CHSY3: variants seen among roughly 807,000 people sequenced by gnomAD.
CHSY3 encodes the protein N-acetylgalactosaminyl-proteoglycan 3-beta-glucuronosyltransferase 3.
A neutral mutation model predicts 67.2 loss-of-function variants in CHSY3; 35 were observed. The observed-to-expected ratio is 0.52, with a 90% CI of 0.40 to 0.69. CHSY3 has a LOEUF of 0.69. Among genes scored for constraint, CHSY3 ranks in the 30% least tolerant of loss-of-function variants. CHSY3 has a pLI of 0.00. For missense variants in CHSY3, 1,069 were observed against 1,138.5 expected, an observed-to-expected ratio of 0.94 and a Z score of 0.88; for synonymous variants, 474 against 434.7, an observed-to-expected ratio of 1.09 and a Z score of -1.12.
intron 2 of CHSY3, among the ~76,000 whole-genome samples, chr5:130,178,201 T>A (rs6595941): frequency 0.78 from 88,476 of 113,572 alleles, 34,801 homozygotes; most frequent in South Asian, 0.88. Context: ...ATATATATAT[T>A]TATATATATA....
Position 130,184,550 on chromosome 5 carries a change from A to G in CHSY3, c.1408A>G (p.Thr470Ala). The G allele has an allele frequency of 6.2e-7, 1 of 1,611,756 alleles. No homozygotes were observed. Among genetic ancestry groups the G allele is most frequent in the Non-Finnish European group, 8.5e-7 (1 of 1,177,844 alleles). Residue 470 changes from threonine (T) to alanine (A), a missense_variant, in exon 3 of 3, where the codon ACA (threonine) becomes GCA (alanine). By Grantham distance (58) the Thr-to-Ala change is moderately conservative. This residue lies in a region of CHSY3 where 401 missense variants were observed against 395.2 expected (regional missense o/e 1.01). Transcript: ENST00000305031. ...TGAAGTGATAGAATGGGAGTTCCTGACAGGGAAGCTTCTATACTCAGCAGC... is the reference window on the plus strand; with the variant it reads ...TGAAGTGATAGAATGGGAGTTCCTGGCAGGGAAGCTTCTATACTCAGCAGC... ...RNEVIEWEFL[T>A]GKLLYSAAEN...
intron 2 of CHSY3, among the ~76,000 whole-genome samples, chr5:130,051,031 A>G (rs1473186502): frequency 6.6e-6 from 1 of 152,180 alleles, no homozygotes; most frequent in East Asian, 1.9e-4. Context: ...AAAAAAGTTA[A>G]AAGCTATAAA....
chr5:130,125,611 A>T (rs541019908), intron 2 of CHSY3, among the ~76,000 whole-genome samples: 2 of 152,336 alleles, frequency 1.3e-5, no homozygotes, highest in African/African-American at 4.8e-5. Context: ...CCAAGTTAAT[A>T]CCTAATTAAC....
At chr5:130,032,085 C>T (rs1468134292) in intron 2 of CHSY3, among the ~76,000 whole-genome samples, 1 of 152,082 alleles carries the variant, frequency 6.6e-6, no homozygotes, top group East Asian at 1.9e-4. Context: ...CCTCCCTATT[C>T]CTCTATTGCT....
chr5:130,044,176 A>G (rs1313718330), intron 2 of CHSY3, among the ~76,000 whole-genome samples: 1 of 152,148 alleles, frequency 6.6e-6, no homozygotes, highest in Non-Finnish European at 1.5e-5. Flanking sequence ...AAGAATGATT[A>G]TCTAGGAACT....
At chr5:130,061,018 C>T (rs1347577065) in intron 2 of CHSY3, among the ~76,000 whole-genome samples, 2 of 151,922 alleles carry the variant, frequency 1.3e-5, no homozygotes, top group African/African-American at 4.8e-5. Context: ...CAGTGAAATC[C>T]CTCTAAAATT....
At chr5:130,013,606 G>C (rs1764129297) in intron 2 of CHSY3, among the ~76,000 whole-genome samples, 2 of 152,312 alleles carry the variant, frequency 1.3e-5, no homozygotes, top group East Asian at 3.9e-4. Flanking sequence ...GCTGTACCTT[G>C]GTCCCTTTTA....
chr5:129,999,122 C>T (rs944254043), intron 2 of CHSY3, among the ~76,000 whole-genome samples: 4 of 108,952 alleles, frequency 3.7e-5, no homozygotes, highest in African/African-American at 1.2e-4. Flanking sequence ...GCTCCCCCCT[C>T]CCTTTTTTTT....
chr5:130,111,389 T>C (rs1349224234), intron 2 of CHSY3, among the ~76,000 whole-genome samples: 1 of 152,144 alleles, frequency 6.6e-6, no homozygotes, highest in East Asian at 1.9e-4. Context: ...TATATATGGC[T>C]AATTTTATCC....
At chr5:130,158,084 G>A (rs1183955708) in intron 2 of CHSY3, among the ~76,000 whole-genome samples, 1 of 152,192 alleles carries the variant, frequency 6.6e-6, no homozygotes, top group Non-Finnish European at 1.5e-5. Context: ...GATGGGTTTC[G>A]TCCAGCTTCT....
chr5:129,972,609 G>A (rs533018490), intron 2 of CHSY3, among the ~76,000 whole-genome samples: 1 of 151,796 alleles, frequency 6.6e-6, no homozygotes, highest in East Asian at 1.9e-4. Flanking sequence ...TGCAGTGTGT[G>A]TGTGTGTGTA....
intron 2 of CHSY3, among the ~76,000 whole-genome samples, chr5:130,006,249 C>G (rs913769247): frequency 1.3e-4 from 20 of 152,152 alleles, no homozygotes; most frequent in African/African-American, 4.8e-4. Flanking sequence ...AGGAATTTGC[C>G]TGGAATGGTT....
chr5:130,041,514 G>A (rs1052176014), intron 2 of CHSY3, among the ~76,000 whole-genome samples: 7 of 152,088 alleles, frequency 4.6e-5, no homozygotes, highest in African/African-American at 1.7e-4. Flanking sequence ...GAAGCCACAC[G>A]TTACTTAGGT....
At chr5:130,020,412 T>C (rs1195649253) in intron 2 of CHSY3, among the ~76,000 whole-genome samples, 1 of 135,316 alleles carries the variant, frequency 7.4e-6, no homozygotes, top group African/African-American at 2.8e-5. Context: ...AAAGCAAGAC[T>C]TCATCTCAAA....
intron 2 of CHSY3, among the ~76,000 whole-genome samples, chr5:130,155,076 G>A (rs115417996): frequency 2.0e-5 from 3 of 152,168 alleles, no homozygotes; most frequent in South Asian, 2.1e-4. Flanking sequence ...GTGGTAGACC[G>A]CTACTCCCTG....
chr5:129,977,786 C>A (rs894523862), intron 2 of CHSY3, among the ~76,000 whole-genome samples: 7 of 151,332 alleles, frequency 4.6e-5, no homozygotes, highest in Non-Finnish European at 8.8e-5. Context: ...TAAAGTAAAT[C>A]TTTTAAGCAA....
intron 2 of CHSY3, among the ~76,000 whole-genome samples, chr5:130,143,286 G>C (rs1367987307): frequency 6.6e-6 from 1 of 152,068 alleles, no homozygotes; most frequent in Non-Finnish European, 1.5e-5. Context: ...CTCCAGAGTA[G>C]GTTGTGATTA....
At chr5:130,146,679 C>G (rs1769083995) in intron 2 of CHSY3, among the ~76,000 whole-genome samples, 1 of 152,056 alleles carries the variant, frequency 6.6e-6, no homozygotes, top group African/African-American at 2.4e-5. Context: ...ACTAAATACA[C>G]TGATTTCATC....
intron 2 of CHSY3, among the ~76,000 whole-genome samples, chr5:130,172,688 G>C (rs373461015): frequency 2.0e-5 from 3 of 152,076 alleles, no homozygotes; most frequent in Non-Finnish European, 4.4e-5. Flanking sequence ...AATGTGCTAC[G>C]CAATGTTTCT....
Sources: gnomAD v4.1 joint callset for allele counts (sites outside exome capture counted in the v4.1 genomes callset) on GRCh38, gnomAD v4.1.1 for gene constraint, gnomAD v4.1.1 regional missense constraint, MANE v1.5 for transcripts, NCBI Gene and HGNC (gene_info 2026-07-23, HGNC 2026-07-21) for gene names.